The following SMARCAL1 variants were observed in gnomAD, a reference collection of about 807,000 sequenced individuals.
The protein encoded by SMARCAL1 is SNF2 related chromatin remodeling annealing helicase 1, also known as ATP-driven annealing helicase.
In SMARCAL1, 58 loss-of-function variants were observed where a neutral mutation model predicts 94.5. The ratio of observed to expected loss-of-function variants is 0.61; its 90% CI spans 0.50 to 0.76. SMARCAL1 has a LOEUF of 0.76. Ranked by LOEUF, SMARCAL1 falls within the 30% of genes least tolerant of loss-of-function variation. The pLI is 0.00. For missense variants in SMARCAL1, 1,051 were observed against 1,177.9 expected, an observed-to-expected ratio of 0.89 and a Z score of 1.58; for synonymous variants, 422 against 455.1, an observed-to-expected ratio of 0.93 and a Z score of 0.93.
intron 2 of SMARCAL1, chr2:216,414,408 C>G (rs1218529621): frequency 5.4e-6 from 2 of 367,160 alleles, no homozygotes; most frequent in African/African-American, 4.2e-5. Flanking sequence ...CCACCTGCCT[C>G]AGCTTCCCAA....
intron 8 of SMARCAL1, among the ~76,000 whole-genome samples, chr2:216,433,595 G>C (rs549867775): frequency 6.6e-6 from 1 of 152,164 alleles, no homozygotes; most frequent in Non-Finnish European, 1.5e-5. Context: ...TCTGTAGAGG[G>C]GGGAGTGAGT....
chr2:216,473,427 A>G (rs1248144704), intron 14 of SMARCAL1, among the ~76,000 whole-genome samples: 1 of 149,866 alleles, frequency 6.7e-6, no homozygotes, highest in Non-Finnish European at 1.5e-5. Flanking sequence ...TTTTAGTGCT[A>G]AATAACATCC....
chr2:216,467,119 G>A (rs1314557582), intron 13 of SMARCAL1, among the ~76,000 whole-genome samples: 1 of 152,172 alleles, frequency 6.6e-6, no homozygotes, highest in African/African-American at 2.4e-5. Context: ...TTAACCTGGT[G>A]ACTTCCCACC....
chr2:216,428,709 C>T lies in SMARCAL1; in HGVS notation c.1261C>T (p.Pro421Ser). The change falls in exon 7 of 18, where the codon CCA becomes TCA. Residue 421 changes from proline (P) to serine (S), a missense_variant. This residue lies in a region of SMARCAL1 where 642 missense variants were observed against 754.7 expected (regional missense o/e 0.85). Coordinates refer to ENST00000357276, the MANE Select transcript of SMARCAL1 (RefSeq NM_014140.4). ...ATCTCTCAGTCTCACGCCAGATGTC[C>T]CAGAGGCAGACCTTTCTGAAGTGGA... ...KTSLSLTPDV[P>S]EADLSEVDPK... 2 of 1,614,174 alleles carry T rather than the reference C, an allele frequency of 1.2e-6. No individual in the cohort carries two copies. The highest frequency in any genetic ancestry group is 8.5e-7 in the Non-Finnish European group (1 of 1,180,016).
At position 216,423,646 on chromosome 2, in the gene SMARCAL1, G is replaced by A. The variant is rs779169942; in HGVS notation, c.1110G>A (p.Arg370=). ...MDSRRYDVKT[R]KWSFLLEEHS... is the part of the protein sequence containing the mutation. ...TTGTCATTGCAGATGTCAAGACCAG[G>A]AAGTGGAGCTTTCTCTTGGAAGAGC... Residue 370 remains arginine, a synonymous_variant, in exon 6 of 18, where the codon AGG becomes AGA. Transcript: ENST00000357276. The A allele has an allele frequency of 2.5e-6, 4 of 1,613,896 alleles. No individual in the cohort carries two copies. In the African/African-American group the frequency reaches 5.3e-5, roughly 22 times the overall value.
rs73988775 is a variant in SMARCAL1, at chr2:216,420,260, C to G, written c.863-39C>G. On this transcript the variant is annotated intron_variant, in intron 4 of 17. Transcript: ENST00000357276. ...TATTTCAAAGCCACATCATAGTCCC[C>G]TGCTTTATCACTTCTGTTCGATTCT... 4,780 of 1,541,118 alleles carry G rather than the reference C, an allele frequency of 3.1e-3. 116 individuals are homozygous for G. The African/African-American group carries it at 0.057, about 18-fold the overall frequency.
intron 4 of SMARCAL1, among the ~76,000 whole-genome samples, chr2:216,419,574 A>C (rs1433215907): frequency 6.6e-6 from 1 of 152,174 alleles, no homozygotes; most frequent in Non-Finnish European, 1.5e-5. Context: ...TGAGCAGTAG[A>C]CAGAGTAGCG....
chr2:216,415,370 C>T lies in SMARCAL1; in HGVS notation c.666C>T (p.Leu222=), dbSNP rs1693571801. The change falls in exon 3 of 18, where the codon CTC becomes CTT. Residue 222 remains leucine (L), a synonymous_variant. Transcript: ENST00000357276. The part of the protein sequence containing the change: ...ESVTPRTEGR[L]QQKSGSSVQK... ...TAACGCCCAGGACAGAAGGAAGACT[C>T]CAGCAGAAGTCAGGGTCCTCAGTCC... 3 of 1,614,096 alleles carry T rather than the reference C, an allele frequency of 1.9e-6. No homozygotes were observed. Among genetic ancestry groups the T allele is most frequent in the Non-Finnish European group, 2.5e-6 (3 of 1,180,048 alleles).
chr2:216,432,778 C>T lies in SMARCAL1; in HGVS notation c.1395C>T (p.Thr465=). 1 of 1,614,212 alleles carries T rather than the reference C, an allele frequency of 6.2e-7. No homozygotes were observed. The highest frequency in any genetic ancestry group is 8.5e-7 in the Non-Finnish European group (1 of 1,180,036). The change falls in exon 8 of 18, where the codon ACC becomes ACT. Residue 465 remains threonine, a synonymous_variant. Transcript: ENST00000357276. ...CTGACGACATGGGCCTGGGGAAGAC[C>T]ATCCAAGCCATCTGCATCGCAGCCT... ...LLADDMGLGK[T]IQAICIAAFY...
chr2:216,458,567 A>T (rs1559133885), intron 12 of SMARCAL1, among the ~76,000 whole-genome samples: 1 of 152,226 alleles, frequency 6.6e-6, no homozygotes, highest in Non-Finnish European at 1.5e-5. Context: ...TATAAACAGA[A>T]CCAAAGACAA....
At chr2:216,424,740 A>G (rs186107682) in intron 6 of SMARCAL1, among the ~76,000 whole-genome samples, 160 of 152,340 alleles carry the variant, frequency 1.1e-3, no homozygotes, top group African/African-American at 3.7e-3. Flanking sequence ...TTAAATATAA[A>G]GGAAGAGCCT....
At chr2:216,455,356 T>C (rs1574470765) in intron 12 of SMARCAL1, among the ~76,000 whole-genome samples, 1 of 152,138 alleles carries the variant, frequency 6.6e-6, no homozygotes, top group Non-Finnish European at 1.5e-5. Flanking sequence ...AGAGTAGTGG[T>C]TCTTCCAGCA....
chr2:216,433,387 A>C (rs1694007946), intron 8 of SMARCAL1, among the ~76,000 whole-genome samples: 1 of 152,052 alleles, frequency 6.6e-6, no homozygotes, highest in Non-Finnish European at 1.5e-5. Flanking sequence ...GCCCACACTT[A>C]ATTTTTAAAA....
chr2:216,432,809 C>T lies in SMARCAL1; in HGVS notation c.1426C>T (p.Arg476Trp), dbSNP rs375111736. 27 of 1,614,218 alleles carry T rather than the reference C, an allele frequency of 1.7e-5. No individual in the cohort carries two copies. The highest frequency in any genetic ancestry group is 1.6e-4 in the African/African-American group (12 of 75,036). Residue 476 changes from arginine (R) to tryptophan (W), a missense_variant, in exon 8 of 18, where the codon CGG becomes TGG. Physicochemically the swap from Arg to Trp is moderately radical, Grantham distance 101. This residue lies in a region of SMARCAL1 where 642 missense variants were observed against 754.7 expected (regional missense o/e 0.85). Coordinates refer to ENST00000357276, the MANE Select transcript of SMARCAL1 (RefSeq NM_014140.4). ...AGCCATCTGCATCGCAGCCTTTTAC[C>T]GGAAGGAGTGGCCGCTCCTGGTGGT... ...IQAICIAAFYRKEWPLLVVVP... is the reference protein window; with the variant it reads ...IQAICIAAFYWKEWPLLVVVP...
chr2:216,415,066 G>A lies in SMARCAL1; in HGVS notation c.362G>A (p.Gly121Glu), dbSNP rs1235903067. ...HSPRSQMALT[G>E]ISPPLAQSPP... ...CCACGTAGTCAAATGGCTCTCACTG[G>A]AATCTCTCCTCCCTTGGCACAAAGT... is the stretch of plus-strand genomic sequence containing the variant. Residue 121 changes from glycine to glutamate, a missense_variant, in exon 3 of 18, where the codon GGA becomes GAA. Transcript: ENST00000357276. 1.2e-6 allele frequency: 2 copies of A among 1,614,080 alleles called. No homozygotes were observed. The highest frequency in any genetic ancestry group is 1.1e-5 in the South Asian group (1 of 91,086).
chr2:216,475,195 C>G lies in SMARCAL1; in HGVS notation c.2245-74C>G. The G allele has an allele frequency of 6.7e-7, 1 of 1,482,866 alleles. No homozygotes were observed. Among genetic ancestry groups the G allele is most frequent in the Non-Finnish European group, 9.4e-7 (1 of 1,066,368 alleles). The allele number at this position is 1,482,866 out of a possible 1,614,324, so 91.9% of individuals were successfully genotyped here. A position where few individuals can be genotyped will look rare whatever the true frequency, so the allele number is the denominator to read the frequency against. On this transcript the variant is annotated intron_variant, in intron 14 of 17. Coordinates refer to ENST00000357276, the MANE Select transcript of SMARCAL1 (RefSeq NM_014140.4). This position sits in a 1 kb window ranked among gnomAD's most constrained non-coding sequence, Gnocchi z 4.4. ...GCTGGAACCTGGTTCTGTGCTGGAGCTGTGGCTGGGTGTGGTTTGCTGAGA... is the reference window on the plus strand; with the variant it reads ...GCTGGAACCTGGTTCTGTGCTGGAGGTGTGGCTGGGTGTGGTTTGCTGAGA...
chr2:216,453,669 A>T (rs1694496855), intron 12 of SMARCAL1, among the ~76,000 whole-genome samples: 1 of 152,196 alleles, frequency 6.6e-6, no homozygotes, highest in South Asian at 2.1e-4. Context: ...TTTTAGTTGA[A>T]TAAGGAGGCC....
At chr2:216,464,375 A>G (rs1314866663) in intron 12 of SMARCAL1, among the ~76,000 whole-genome samples, 4 of 152,190 alleles carry the variant, frequency 2.6e-5, no homozygotes, top group Non-Finnish European at 4.4e-5. Flanking sequence ...TTCTTGGACA[A>G]TGGCAGAGTA....
intron 12 of SMARCAL1, among the ~76,000 whole-genome samples, chr2:216,454,556 T>G (rs1297294819): frequency 6.6e-6 from 1 of 152,220 alleles, no homozygotes; most frequent in East Asian, 1.9e-4. Context: ...CTCAGTTTCC[T>G]AATCTGCACA....
Sources: allele counts gnomAD v4.1 joint callset (sites outside exome capture counted in the v4.1 genomes callset), GRCh38; gene constraint gnomAD v4.1.1; regional missense constraint gnomAD v4.1.1; non-coding constraint Gnocchi (gnomAD v3.1); transcripts MANE v1.5; gene names NCBI Gene and HGNC (gene_info 2026-07-23, HGNC 2026-07-21).